The following CEP83 variants were observed in gnomAD, a reference collection of about 807,000 sequenced individuals.
CEP83 encodes the protein centrosomal protein 83.
CEP83 carries 70 observed loss-of-function variants against 101.9 expected under a neutral mutation model. The observed-to-expected ratio is 0.69, with a 90% CI of 0.57 to 0.84. CEP83 has a LOEUF of 0.84. Among genes scored for constraint, CEP83 ranks in the 40% least tolerant of loss-of-function variants. The pLI is 0.00. For missense variants in CEP83, 715 were observed against 787.2 expected (o/e 0.91, Z 1.10); for synonymous variants, 264 against 267.9 (o/e 0.99, Z 0.14).
In CEP83 at chr12:94,412,521, T is replaced by C. The variant is rs760703834; in HGVS notation, c.-31A>G. ...AATAAGTTTTGGCTTTCTTACTGTT[T>C]TAGTTTTCTTTCCAAGGGTATTTCC... On this transcript the variant is annotated 5_prime_UTR_variant, in exon 3 of 17. Transcript: ENST00000397809. 6.2e-7 allele frequency: 1 copy of C among 1,600,896 alleles called. No individual in the cohort carries two copies. Among genetic ancestry groups the C allele is most frequent in the South Asian group, 1.1e-5 (1 of 89,098 alleles).
intron 4 of CEP83, among the ~76,000 whole-genome samples, chr12:94,406,094 G>A (rs1197892299): frequency 1.3e-5 from 2 of 152,190 alleles, no homozygotes; most frequent in African/African-American, 2.4e-5. Flanking sequence ...GAAGAGTCTT[G>A]CCTCAGTGGT....
rs149803566 is a variant in CEP83 at position 94,417,201 on chromosome 12, C to G, written c.-101-4610G>C. ...AGGCATGGTGGCATGTGCCTATATG[C>G]CCAGGTACTTGGGAGGCTAAGGTAG... On this transcript the variant is annotated intron_variant, in intron 2 of 16. Transcript: ENST00000397809. Among the ~76,000 whole-genome samples, 329 of 152,076 alleles carry G rather than the reference C, an allele frequency of 2.2e-3. 1 individual carries two copies. The highest frequency in any genetic ancestry group is 7.4e-3 in the African/African-American group (308 of 41,458).
At chr12:94,416,822 CCCCA>C (rs2064311755) in intron 2 of CEP83, among the ~76,000 whole-genome samples, 3 of 151,892 alleles carry the variant, frequency 2.0e-5, no homozygotes, top group Non-Finnish European at 2.9e-5. Flanking sequence ...ACCTCCCTCA[CCCCA>C]CTGAAATGCT....
chr12:94,305,345 C>T, downstream of CEP83: 2 of 918,212 alleles, frequency 2.2e-6, no homozygotes, highest in Non-Finnish European at 3.5e-6. Flanking sequence ...AGCAAAATGG[C>T]TGCTTGAGCT....
chr12:94,266,236 G>C, the CEP83 span, among the ~76,000 whole-genome samples: 7 of 152,214 alleles, frequency 4.6e-5, no homozygotes, highest in Admixed American at 4.6e-4. Context: ...TCTGGTGGGA[G>C]AATAGTCCGT....
At chr12:94,283,394 A>G in the CEP83 span, among the ~76,000 whole-genome samples, 1 of 152,190 alleles carries the variant, frequency 6.6e-6, no homozygotes, top group Non-Finnish European at 1.5e-5. Flanking sequence ...GTGACAGCTG[A>G]TTATAGTCAG....
chr12:94,393,783 A>T (rs1321121747), intron 6 of CEP83, among the ~76,000 whole-genome samples: 2 of 152,236 alleles, frequency 1.3e-5, no homozygotes, highest in African/African-American at 4.8e-5. Flanking sequence ...AAGTCTCAGG[A>T]TACAAAATCA....
At chr12:94,367,361 C>G (rs2061074070) in intron 11 of CEP83, among the ~76,000 whole-genome samples, 1 of 152,064 alleles carries the variant, frequency 6.6e-6, no homozygotes, top group African/African-American at 2.4e-5. Context: ...ACTGAGGACA[C>G]ATGACTTTGA....
intron 11 of CEP83, among the ~76,000 whole-genome samples, chr12:94,351,189 A>AAATGGTAGGTAGGAGTTCCTTAGC (rs1161070454): frequency 3.3e-5 from 5 of 152,190 alleles, no homozygotes; most frequent in African/African-American, 1.2e-4. Context: ...ATTGTGTGAG[A>AAATGGTAGGTAGGAGTTCCTTAGC]AATGGTAGGT....
At chr12:94,406,627 A>G (rs960274415) in intron 4 of CEP83, among the ~76,000 whole-genome samples, 2 of 152,160 alleles carry the variant, frequency 1.3e-5, no homozygotes, top group African/African-American at 4.8e-5. Context: ...TTGGATAGAG[A>G]TAAAAAGACC....
At chr12:94,391,790 C>T (rs2062557331) in intron 6 of CEP83, among the ~76,000 whole-genome samples, 1 of 150,816 alleles carries the variant, frequency 6.6e-6, no homozygotes. Flanking sequence ...GAAGATCTAC[C>T]AAGCAAAGGT....
rs761114046 is a variant in CEP83 at position 94,333,552 on chromosome 12, C to T, written c.1507G>A (p.Val503Met). The change falls in exon 13 of 17, where the codon GTG (valine) becomes ATG (methionine). Residue 503 changes from valine to methionine, a missense_variant. Transcript: ENST00000397809. Reference sequence around the variant, plus strand: ...CGGCATTCTTGTTTTAATCTCTCCACCATTTCCTTCAGCATTTGGTTTGAA... The same window carrying T: ...CGGCATTCTTGTTTTAATCTCTCCATCATTTCCTTCAGCATTTGGTTTGAA... ...LNSNQMLKEM[V>M]ERLKQECRNF... The T allele has an allele frequency of 1.2e-6, 2 of 1,613,838 alleles. No homozygotes were observed. Among genetic ancestry groups the T allele is most frequent in the South Asian group, 1.1e-5 (1 of 91,034 alleles).
intron 11 of CEP83, among the ~76,000 whole-genome samples, chr12:94,347,068 T>TATATACAC (rs561705061): frequency 3.5e-4 from 51 of 147,476 alleles, no homozygotes; most frequent in African/African-American, 6.7e-4. Context: ...TATATATATA[T>TATATACAC]ACACATACAC....
chr12:94,375,875 A>G lies in CEP83; in HGVS notation c.933+11T>C, dbSNP rs1223976500. Reference sequence around the variant, plus strand: ...TTCTAAAGAATGAAACAGAAACATAAAACAACTTACTTTACTGGACAATGT... The same window carrying G: ...TTCTAAAGAATGAAACAGAAACATAGAACAACTTACTTTACTGGACAATGT... On this transcript the variant is annotated intron_variant, in intron 8 of 16. Transcript: ENST00000397809. 2 of 1,393,014 alleles carry G rather than the reference A, an allele frequency of 1.4e-6. No homozygotes were observed. Among genetic ancestry groups the G allele is most frequent in the Non-Finnish European group, 1.9e-6 (2 of 1,036,506 alleles). 86.3% of individuals were successfully genotyped at this position (1,393,014 alleles called of 1,614,324 possible).
At chr12:94,442,110 G>A (rs1371274815) in intron 1 of CEP83, among the ~76,000 whole-genome samples, 1 of 149,554 alleles carries the variant, frequency 6.7e-6, no homozygotes, top group Non-Finnish European at 1.5e-5. Context: ...AGTAGATAAA[G>A]AAAATGTGGT....
chr12:94,367,818 G>A lies in CEP83; in HGVS notation c.1319C>T (p.Thr440Ile). 1.2e-6 allele frequency: 2 copies of A among 1,612,144 alleles called. No individual in the cohort carries two copies. The highest frequency in any genetic ancestry group is 1.7e-6 in the Non-Finnish European group (2 of 1,179,460). Residue 440 changes from threonine to isoleucine, a missense_variant, in exon 11 of 17, where the codon ACC (threonine) becomes ATC (isoleucine). Coordinates refer to ENST00000397809, the MANE Select transcript of CEP83 (RefSeq NM_016122.3). Reference protein sequence around the residue: ...LRASQMAEEITRKELQSVRLK... With the variant: ...LRASQMAEEIIRKELQSVRLK... ...CCTAACACTCTGAAGCTCCTTCCTG[G>A]TGATCTCTTCTGCCATCTGTGAAGC...
intron 6 of CEP83, among the ~76,000 whole-genome samples, chr12:94,392,916 A>G (rs1299023363): frequency 6.6e-6 from 1 of 152,244 alleles, no homozygotes; most frequent in Middle Eastern, 3.2e-3. Context: ...CCCTCCCAAG[A>G]CTAAACCAGG....
intron 2 of CEP83, among the ~76,000 whole-genome samples, chr12:94,432,927 A>G (rs949683134): frequency 6.6e-6 from 1 of 152,248 alleles, no homozygotes; most frequent in African/African-American, 2.4e-5. Flanking sequence ...CATATTTACC[A>G]GTAGTATGAA....
intron 2 of CEP83, among the ~76,000 whole-genome samples, chr12:94,413,940 A>T (rs968663960): frequency 2.0e-5 from 3 of 152,114 alleles, no homozygotes; most frequent in African/African-American, 7.2e-5. Context: ...ATAACAAAAA[A>T]AAATCTTTGT....
Sources: gnomAD v4.1 joint callset for allele counts (sites outside exome capture counted in the v4.1 genomes callset) on GRCh38, gnomAD v4.1.1 for gene constraint, MANE v1.5 for transcripts, NCBI Gene and HGNC (gene_info 2026-07-23, HGNC 2026-07-21) for gene names.